XIAP: variants seen among roughly 807,000 people sequenced by gnomAD.
XIAP encodes E3 ubiquitin-protein ligase XIAP.
Under a neutral mutation model 33.1 loss-of-function variants are expected in XIAP, and 3 were observed. The observed-to-expected ratio is 0.09, with a 90% CI of 0.04 to 0.23. XIAP has a LOEUF of 0.23. Ranked by LOEUF, XIAP falls within the 10% of genes least tolerant of loss-of-function variation. The pLI, the probability that XIAP is intolerant of heterozygous loss-of-function variation, is 1.00. For synonymous variants in XIAP, 98 were observed against 121.3 expected (o/e 0.81, Z 1.26); for missense variants, 264 against 363.0 (o/e 0.73, Z 2.22).
intron 1 of XIAP, among the ~76,000 whole-genome samples, chrX:123,866,530 AATAT>A (rs2053138646): frequency 1.3e-5 from 1 of 78,396 alleles, no homozygotes; most frequent in African/African-American, 5.4e-5. Flanking sequence ...ATAATATCAA[AATAT>A]ATAATATGTA....
At position 123,895,990 on chromosome X, in the gene XIAP, G is replaced by A. The variant is rs909974901; in HGVS notation, c.1099+3217G>A. On this transcript the variant is annotated intron_variant, in intron 5 of 6. Coordinates refer to ENST00000371199, the MANE Select transcript of XIAP (RefSeq NM_001167.4). ...TTAGCCAGGCTGGTCTTGAACTCCT[G>A]ACCTCAGGTGATCCACCCACGTTGG... Among the ~76,000 whole-genome samples the A allele has an allele frequency of 2.7e-5, 3 of 111,106 alleles. No individual in the cohort carries two copies. The East Asian group carries it at 8.4e-4, about 31-fold the overall frequency.
chrX:123,887,476 C>G (rs1237619849), intron 2 of XIAP, among the ~76,000 whole-genome samples: 1 of 112,338 alleles, frequency 8.9e-6, no homozygotes, highest in African/African-American at 3.2e-5. Context: ...TGAATAATGC[C>G]TATAAAATAT....
rs73630734 is a variant in XIAP at position 123,885,292 on chromosome X, A to G, written c.-32-339A>G. 9.8e-3 allele frequency among the ~76,000 whole-genome samples: 1,096 copies of G among 112,023 alleles called. 6 individuals carry two copies. Among genetic ancestry groups the G allele is most frequent in the African/African-American group, 0.034 (1,040 of 30,936 alleles). ...AATAATCTGCATATTTTATGCTTTC[A>G]TGTTTTTCCTAATTAATGATTTGAC... On this transcript the variant is annotated intron_variant, in intron 1 of 6. Coordinates refer to ENST00000371199, the MANE Select transcript of XIAP (RefSeq NM_001167.4).
rs1225626083 is a variant in XIAP at position 123,909,142 on chromosome X, C to T, written c.*1961C>T. The T allele has an allele frequency of 3.7e-6, 1 of 270,084 alleles. No homozygotes were observed. The highest frequency in any genetic ancestry group is 6.9e-6 in the Non-Finnish European group (1 of 145,429). The allele number at this position is 270,084 out of a possible 1,213,427, so 22.3% of individuals were successfully genotyped here. A position where few individuals can be genotyped will look rare whatever the true frequency, so the allele number is the denominator to read the frequency against. On this transcript the variant is annotated 3_prime_UTR_variant, in exon 7 of 7. Transcript: ENST00000371199. ...CTTCTGGGTTCAAGCGATTCTCGTG[C>T]CTCAGCTTCCTGAGTAGCTGGAATT...
Position 123,860,140 on chromosome X carries a change from G to A in XIAP, c.-186G>A. 3.0e-6 allele frequency: 1 copy of A among 329,781 alleles called. No individual in the cohort carries two copies. The highest frequency in any genetic ancestry group is 5.9e-6 in the Non-Finnish European group (1 of 169,965). 27.2% of individuals were successfully genotyped at this position (329,781 alleles called of 1,213,427 possible). A position where few individuals can be genotyped will look rare whatever the true frequency, so the allele number is the denominator to read the frequency against. On this transcript the variant is annotated 5_prime_UTR_variant, in exon 1 of 7. Transcript: ENST00000371199. ...GCCGGTAGAGGCGCGTGAGGGAGAC[G>A]AAGGGACTTCCGTTTCCTTCACCTA...
rs771670592 is a variant in XIAP, at chrX:123,886,219, G to A, written c.557G>A (p.Ser186Asn). ...YAHLTPRELA[S>N]AGLYYTGIGD... ...CACCTAACCCCAAGAGAGTTAGCAA[G>A]TGCTGGACTCTACTACACAGGTATT... Residue 186 changes from serine (S) to asparagine (N), a missense_variant, in exon 2 of 7, where the codon AGT becomes AAT. Transcript: ENST00000371199. 1 of 1,212,162 alleles carries A rather than the reference G, an allele frequency of 8.2e-7. No homozygotes were observed. Among genetic ancestry groups the A allele is most frequent in the Non-Finnish European group, 1.1e-6 (1 of 895,611 alleles).
upstream of XIAP, chrX:123,860,042 G>A (rs755307862): frequency 6.1e-4 from 196 of 321,683 alleles, no homozygotes; most frequent in South Asian, 5.1e-3. Context: ...GACCGCGCCC[G>A]GTGTCTCTTT....
rs1011710731 is a variant in XIAP, at chrX:123,913,635, C to A, written c.*6454C>A. On this transcript the variant is annotated 3_prime_UTR_variant, in exon 7 of 7. Coordinates refer to ENST00000371199, the MANE Select transcript of XIAP (RefSeq NM_001167.4). ...ATATTTTAAATTACTATATATGTTA[C>A]CATTTTTCTGGATTTAGTAAGAAAT... is the stretch of plus-strand genomic sequence containing the variant. 5.6e-5 allele frequency: 18 copies of A among 322,030 alleles called. No individual in the cohort carries two copies. The highest frequency in any genetic ancestry group is 9.8e-4 in the Middle Eastern group (1 of 1,024). The allele number at this position is 322,030 out of a possible 1,213,427, so 26.5% of individuals were successfully genotyped here.
chrX:123,875,946 A>G (rs2053240226), intron 1 of XIAP, among the ~76,000 whole-genome samples: 1 of 112,285 alleles, frequency 8.9e-6, no homozygotes, highest in African/African-American at 3.2e-5. Flanking sequence ...TCGGCCTCCC[A>G]AAGTGTTGGG....
intron 1 of XIAP, among the ~76,000 whole-genome samples, chrX:123,870,483 G>A (rs140847047): frequency 4.5e-5 from 5 of 111,988 alleles, no homozygotes; most frequent in Non-Finnish European, 7.5e-5. Context: ...GAAGAGAAAC[G>A]TACTAAATGT....
Position 123,908,591 on chromosome X carries a change from G to C in XIAP, c.*1410G>C, listed in dbSNP as rs1362123872. The C allele has an allele frequency of 2.8e-6, 1 of 361,283 alleles. No homozygotes were observed. Among genetic ancestry groups the C allele is most frequent in the Admixed American group, 3.0e-5 (1 of 32,826 alleles). 29.8% of individuals were successfully genotyped at this position (361,283 alleles called of 1,213,427 possible). ...TTTTTACCGTTAGGATGATTAAGAT[G>C]TATATAGGACAAAATGTTAAGTCTT... is the stretch of plus-strand genomic sequence containing the variant. On this transcript the variant is annotated 3_prime_UTR_variant, in exon 7 of 7. Transcript: ENST00000371199.
At chrX:123,900,760 C>CCTCCCAAAGTGCTGGG in intron 6 of XIAP, 67 bp downstream of exon 6, 1 of 1,025,352 alleles carries the variant, frequency 9.8e-7, no homozygotes, top group Non-Finnish European at 1.4e-6. Context: ...GTAATCCCAG[C>CCTCCCAAAGTGCTGGG]ACTTTGGGAG....
At position 123,909,860 on chromosome X, in the gene XIAP, A is replaced by AT; in HGVS notation, c.*2682dup. On this transcript the variant is annotated 3_prime_UTR_variant, in exon 7 of 7. Transcript: ENST00000371199. ...ATCAAATTTTTGGAGACTTAACAGC[A>AT]TTTGTCTGTGTTTGAACTATAAAAA... The AT allele has an allele frequency of 3.0e-6, 1 of 329,711 alleles. No individual in the cohort carries two copies. The highest frequency in any genetic ancestry group is 2.6e-5 in the South Asian group (1 of 38,498). 27.2% of individuals were successfully genotyped at this position (329,711 alleles called of 1,213,427 possible). A position where few individuals can be genotyped will look rare whatever the true frequency, so the allele number is the denominator to read the frequency against.
At chrX:123,881,894 T>C (rs1487186319) in intron 1 of XIAP, among the ~76,000 whole-genome samples, 1 of 109,994 alleles carries the variant, frequency 9.1e-6, no homozygotes, top group Non-Finnish European at 1.9e-5. Context: ...GCTGGGATTA[T>C]AGGCATGTGC....
At chrX:123,873,726 A>G (rs1220666346) in intron 1 of XIAP, 1 of 108,044 alleles carries the variant, frequency 9.3e-6, no homozygotes, top group African/African-American at 3.4e-5. Flanking sequence ...AGGAGTTTCG[A>G]GCCCAGCCTG....
chrX:123,875,662 A>G (rs2053237430), intron 1 of XIAP, among the ~76,000 whole-genome samples: 1 of 108,895 alleles, frequency 9.2e-6, no homozygotes, highest in African/African-American at 3.3e-5. Flanking sequence ...CCTGTTTTCT[A>G]TCAACGTATT....
At chrX:123,890,663 C>G (rs1309346133) in intron 3 of XIAP, among the ~76,000 whole-genome samples, 2 of 98,961 alleles carry the variant, frequency 2.0e-5, no homozygotes, top group Non-Finnish European at 4.0e-5. Flanking sequence ...AAAAACTAGC[C>G]GGGCATGGTG....
intron 1 of XIAP, among the ~76,000 whole-genome samples, chrX:123,872,350 C>T (rs1265917779): frequency 2.0e-5 from 2 of 101,623 alleles, no homozygotes; most frequent in African/African-American, 7.3e-5. Context: ...TTTTTTGGCA[C>T]ACTAGTGTCT....
At chrX:123,879,381 A>G (rs1230922276) in intron 1 of XIAP, 1 of 101,033 alleles carries the variant, frequency 9.9e-6, no homozygotes, top group African/African-American at 3.7e-5. Flanking sequence ...TGGTGGCACA[A>G]TCTCGGCTCA....
Sources: gnomAD v4.1 joint callset for allele counts (sites outside exome capture counted in the v4.1 genomes callset) on GRCh38, gnomAD v4.1.1 for gene constraint, MANE v1.5 for transcripts, NCBI Gene and HGNC (gene_info 2026-07-23, HGNC 2026-07-21) for gene names.